NACAD: variants seen among roughly 807,000 people sequenced by gnomAD.
NACAD encodes the protein NAC-alpha domain-containing protein 1.
A neutral mutation model predicts 98.9 loss-of-function variants in NACAD; 47 were observed. That is an observed-to-expected ratio of 0.48 (90% CI 0.38 to 0.61). NACAD has a LOEUF of 0.61. Among genes scored for constraint, NACAD ranks in the 20% least tolerant of loss-of-function variants. The pLI, the probability that NACAD is intolerant of heterozygous loss-of-function variation, is 0.00. For missense variants in NACAD, 1,412 were observed against 1,748.2 expected, an observed-to-expected ratio of 0.81 and a Z score of 3.43; for synonymous variants, 696 against 767.2, an observed-to-expected ratio of 0.91 and a Z score of 1.53.
chr7:45,082,653 G>A lies in NACAD; in HGVS notation c.3527C>T (p.Ala1176Val), dbSNP rs1784449265. Residue 1176 changes from alanine to valine, a missense_variant, in exon 2 of 8, where the codon GCA becomes GTA. By Grantham distance (64) the Ala-to-Val change is moderately conservative (BLOSUM62 0). Transcript: ENST00000490531. This position sits in a 1 kb window ranked among gnomAD's most constrained non-coding sequence, Gnocchi z 4.5. ...AGGCTCCGGCTGCTGGGAGGTTGGT[G>A]CAGACGTGGGGGCAGGCGCGTCAGG... Reference protein sequence around the residue: ...GCPDAPAPTSAPTSQQPEPVL... With the variant: ...GCPDAPAPTSVPTSQQPEPVL... 6.6e-7 allele frequency: 1 copy of A among 1,510,312 alleles called. No homozygotes were observed. The highest frequency in any genetic ancestry group is 8.9e-7 in the Non-Finnish European group (1 of 1,125,484). 93.6% of individuals were successfully genotyped at this position (1,510,312 alleles called of 1,614,324 possible). A position where few individuals can be genotyped will look rare whatever the true frequency, so the allele number is the denominator to read the frequency against.
At chr7:45,086,296 A>G (rs1784522280) in intron 1 of NACAD, among the ~76,000 whole-genome samples, 184 bp from the exon 2 acceptor site, 1 of 152,236 alleles carries the variant, frequency 6.6e-6, no homozygotes, top group Admixed American at 6.5e-5. Context: ...TTTTGACAGC[A>G]GAGAGCAGAT....
chr7:45,084,358 G>A lies in NACAD; in HGVS notation c.1822C>T (p.Leu608=). The part of the protein sequence containing the change: ...QDSAMTPPLP[L]QDTDLSSAPK... ...GCTGATGAGAGATCTGTGTCTTGTA[G>A]GGGCAGAGGCGGTGTCATAGCGGAG... Residue 608 remains leucine (L), a synonymous_variant, in exon 2 of 8, where the codon CTA becomes TTA. Coordinates refer to ENST00000490531, the MANE Select transcript of NACAD (RefSeq NM_001146334.2). 1.4e-6 allele frequency: 2 copies of A among 1,425,720 alleles called. No homozygotes were observed. The highest frequency in any genetic ancestry group is 2.5e-5 in the South Asian group (2 of 80,306). 88.3% of individuals were successfully genotyped at this position (1,425,720 alleles called of 1,614,324 possible). A position where few individuals can be genotyped will look rare whatever the true frequency, so the allele number is the denominator to read the frequency against.
chr7:45,083,088 G>A lies in NACAD; in HGVS notation c.3092C>T (p.Pro1031Leu). ...STLGMEALSLPEPASGAGEEI... is the reference protein window; with the variant it reads ...STLGMEALSLLEPASGAGEEI... ...CTCCCCAGCACCAGAGGCCGGCTCA[G>A]GGAGACTGAGGGCCTCCATGCCCAA... Residue 1031 changes from proline to leucine, a missense_variant, in exon 2 of 8, where the codon CCT becomes CTT. By Grantham distance (98) the Pro-to-Leu change is moderately conservative. Around this residue, in one of 5 missense-constraint regions of NACAD, gnomAD observed 572 missense variants for 639.6 expected, o/e 0.89. Transcript: ENST00000490531. 1 of 1,550,810 alleles carries A rather than the reference G, an allele frequency of 6.4e-7. No homozygotes were observed.
chr7:45,081,327 G>A (rs2128640179), intron 4 of NACAD, 64 bp from the exon 5 acceptor site: 2 of 1,527,234 alleles, frequency 1.3e-6, no homozygotes, highest in Non-Finnish European at 1.8e-6. Context: ...GAGGAGAGCA[G>A]CACAGTGCCC....
chr7:45,081,464 T>C, intron 4 of NACAD, 137 bp downstream of exon 4: 1 of 1,257,754 alleles, frequency 8.0e-7, no homozygotes, highest in East Asian at 2.5e-5. Context: ...GGGGAAGGTG[T>C]GTGGGTTACT....
Position 45,081,745 on chromosome 7 carries a change from G to A in NACAD, c.4185+10C>T, listed in dbSNP as rs1269657418. 1.3e-6 allele frequency: 2 copies of A among 1,551,124 alleles called. No homozygotes were observed. The highest frequency in any genetic ancestry group is 4.9e-5 in the East Asian group (2 of 40,926). On this transcript the variant is annotated intron_variant, in intron 3 of 7. Coordinates refer to ENST00000490531, the MANE Select transcript of NACAD (RefSeq NM_001146334.2). ...TCCCAGAGGCCCACCCTCTTCCCTGGACTGGGCACCTGGGCTGGACACTGC... is the reference window on the plus strand; with the variant it reads ...TCCCAGAGGCCCACCCTCTTCCCTGAACTGGGCACCTGGGCTGGACACTGC...
chr7:45,081,717 C>A (rs1048301357), intron 3 of NACAD, 38 bp downstream of exon 3: 1 of 1,551,128 alleles, frequency 6.4e-7, no homozygotes, highest in Admixed American at 2.0e-5. Flanking sequence ...GGGTGTGGGG[C>A]CCTCCCAGAG....
At position 45,085,088 on chromosome 7, in the gene NACAD, T is replaced by C. The variant is rs752130175; in HGVS notation, c.1092A>G (p.Ser364=). 40 of 1,550,934 alleles carry C rather than the reference T, an allele frequency of 2.6e-5. No individual in the cohort carries two copies. Among genetic ancestry groups the C allele is most frequent in the Middle Eastern group, 1.7e-4 (1 of 5,990 alleles). Residue 364 remains serine, a synonymous_variant, in exon 2 of 8, where the codon TCA becomes TCG. Transcript: ENST00000490531. This position sits in a 1 kb window ranked among gnomAD's most constrained non-coding sequence, Gnocchi z 6.1. ...CCTCCGTGATGGACAGGTCAGACAGTGACTGCAGGAAGGAGGCAGACGTGC... is the reference window on the plus strand; with the variant it reads ...CCTCCGTGATGGACAGGTCAGACAGCGACTGCAGGAAGGAGGCAGACGTGC... ...EDSTSASFLQ[S]LSDLSITEGM... is the part of the protein sequence containing the mutation.
In NACAD at chr7:45,083,265, G is replaced by C. The variant is rs1428058493; in HGVS notation, c.2915C>G (p.Ala972Gly). 1 of 1,551,056 alleles carries C rather than the reference G, an allele frequency of 6.4e-7. No individual in the cohort carries two copies. The highest frequency in any genetic ancestry group is 1.2e-5 in the South Asian group (1 of 84,066). The change falls in exon 2 of 8, where the codon GCC (alanine) becomes GGC (glycine). Residue 972 changes from alanine (A) to glycine (G), a missense_variant. By Grantham distance (60) the Ala-to-Gly change is moderately conservative. This residue lies in a region of NACAD where 572 missense variants were observed against 639.6 expected (regional missense o/e 0.89). Coordinates refer to ENST00000490531, the MANE Select transcript of NACAD (RefSeq NM_001146334.2). ...CTCAGGTGCTGGCCTGGGGCCTAAG[G>C]CCTCACCTACTTCCTGCTGAGCCAT... ...ATMAQQEVGE[A>G]LGPRPAPEEK... is the part of the protein sequence containing the mutation.
rs76851069 is a variant in NACAD at position 45,085,929 on chromosome 7, G to A, written c.251C>T (p.Ala84Val). The change falls in exon 2 of 8, where the codon GCG becomes GTG. Residue 84 changes from alanine to valine, a missense_variant. By Grantham distance (64) the Ala-to-Val change is moderately conservative. This residue lies in a region of NACAD where 638 missense variants were observed against 722.7 expected (regional missense o/e 0.88). Coordinates refer to ENST00000490531, the MANE Select transcript of NACAD (RefSeq NM_001146334.2). This position sits in a 1 kb window ranked among gnomAD's most constrained non-coding sequence, Gnocchi z 6.1. ...AGPGGAPSAW[A>V]DPGEGGPSPM... Reference sequence around the variant, plus strand: ...GCTTGGGCCGCCCTCCCCTGGGTCCGCCCAGGCCGAGGGTGCCCCACCAGG... The same window carrying A: ...GCTTGGGCCGCCCTCCCCTGGGTCCACCCAGGCCGAGGGTGCCCCACCAGG... 1.6e-4 allele frequency: 251 copies of A among 1,542,706 alleles called. No homozygotes were observed. The East Asian group carries it at 5.2e-3, about 32-fold the overall frequency.
rs758807832 is a variant in NACAD, at chr7:45,085,019, G to A, written c.1161C>T (p.Ala387=). The A allele has an allele frequency of 4.1e-5, 63 of 1,550,958 alleles. No homozygotes were observed. The Admixed American group carries it at 6.3e-4, about 15-fold the overall frequency. The change falls in exon 2 of 8, where the codon GCC becomes GCT. Residue 387 remains alanine (A), a synonymous_variant. Transcript: ENST00000490531. This position sits in a 1 kb window ranked among gnomAD's most constrained non-coding sequence, Gnocchi z 6.1. ...AFAFRDDTSA[A]SSDSDSASYA... is the part of the protein sequence containing the mutation. ...AGGAGGCTGAGTCTGAATCAGAGGA[G>A]GCTGCAGAGGTGTCGTCCCGGAAGG...
intron 4 of NACAD, 132 bp downstream of exon 4, chr7:45,081,469 G>A: frequency 7.7e-7 from 1 of 1,290,476 alleles, no homozygotes; most frequent in East Asian, 2.5e-5. Flanking sequence ...AGGTGTGTGG[G>A]TTACTGGCAT....
chr7:45,087,463 C>T (rs1170076542), intron 1 of NACAD, among the ~76,000 whole-genome samples: 3 of 152,258 alleles, frequency 2.0e-5, no homozygotes, highest in African/African-American at 7.2e-5. Context: ...CGGCGGCACA[C>T]AGGGGCCAGC....
rs1784491866 is a variant in NACAD at position 45,084,958 on chromosome 7, C to T, written c.1222G>A (p.Glu408Lys). Residue 408 changes from glutamate (E) to lysine (K), a missense_variant, in exon 2 of 8, where the codon GAG (glutamate) becomes AAG (lysine). By Grantham distance (56) the Glu-to-Lys change is moderately conservative. This residue lies in a region of NACAD where 638 missense variants were observed against 722.7 expected (regional missense o/e 0.88). Coordinates refer to ENST00000490531, the MANE Select transcript of NACAD (RefSeq NM_001146334.2). ...EADDERLYSG[E>K]PHAQATLLQD... ...AGCAAAGTGGCCTGGGCATGGGGCTCCCCGCTGTACAGCCTCTCATCATCT... is the reference window on the plus strand; with the variant it reads ...AGCAAAGTGGCCTGGGCATGGGGCTTCCCGCTGTACAGCCTCTCATCATCT... 13 of 1,550,922 alleles carry T rather than the reference C, an allele frequency of 8.4e-6. No individual in the cohort carries two copies. The highest frequency in any genetic ancestry group is 1.1e-5 in the Non-Finnish European group (13 of 1,146,990).
chr7:45,080,678 G>C lies in NACAD; in HGVS notation c.4636C>G (p.Leu1546Val). ...NVSRAKAVRA[L>V]RDNHSDIVNA... Reference sequence around the variant, plus strand: ...ACGATGTCACTGTGGTTGTCTCTCAGAGCCCGCACGGCCTTGGCCCTGGAC... The same window carrying C: ...ACGATGTCACTGTGGTTGTCTCTCACAGCCCGCACGGCCTTGGCCCTGGAC... Residue 1546 changes from leucine (L) to valine (V), a missense_variant, in exon 7 of 8, where the codon CTG (leucine) becomes GTG (valine). Leu to Val is a conservative substitution (Grantham distance 32, BLOSUM62 1). Transcript: ENST00000490531. The C allele has an allele frequency of 5.8e-6, 9 of 1,551,298 alleles. No homozygotes were observed. Among genetic ancestry groups the C allele is most frequent in the Non-Finnish European group, 6.1e-6 (7 of 1,146,950 alleles).
At position 45,085,219 on chromosome 7, in the gene NACAD, C is replaced by T. The variant is rs1467555064; in HGVS notation, c.961G>A (p.Val321Met). The T allele has an allele frequency of 1.3e-6, 2 of 1,551,484 alleles. No homozygotes were observed. The highest frequency in any genetic ancestry group is 1.2e-5 in the South Asian group (1 of 84,062). The change falls in exon 2 of 8, where the codon GTG becomes ATG. Residue 321 changes from valine (V) to methionine (M), a missense_variant. Around this residue, in one of 5 missense-constraint regions of NACAD, gnomAD observed 638 missense variants for 722.7 expected, o/e 0.88. Transcript: ENST00000490531. The surrounding 1 kb of genome is among the most constrained non-coding windows in gnomAD (Gnocchi z 6.1). ...AGCGGTGTCACCTCCACTGCCTCCA[C>T]CTGAAAGATGAGGCTGCCCTGGAAG... ...LPFQGSLIFQ[V>M]EAVEVTPLSP...
Position 45,084,828 on chromosome 7 carries a change from G to A in NACAD, c.1352C>T (p.Thr451Ile), listed in dbSNP as rs1415578696. 7.1e-6 allele frequency: 11 copies of A among 1,550,794 alleles called. No individual in the cohort carries two copies. The highest frequency in any genetic ancestry group is 2.0e-5 in the Admixed American group (1 of 50,970). The change falls in exon 2 of 8, where the codon ACC becomes ATC. Residue 451 changes from threonine (T) to isoleucine (I), a missense_variant. This residue lies in a region of NACAD where 638 missense variants were observed against 722.7 expected (regional missense o/e 0.88). Coordinates refer to ENST00000490531, the MANE Select transcript of NACAD (RefSeq NM_001146334.2). ...GGACAGATAGGCCCCTCTGTCTGAG[G>A]TCTGAGGAGCAGCCTCCACGGCCCA... ...VSWAVEAAPQ[T>I]SDRGAYLSQR... is the part of the protein sequence containing the mutation.
In NACAD at chr7:45,084,377, A is replaced by T. The variant is rs1784477657; in HGVS notation, c.1803T>A (p.Ala601=). 7.0e-7 allele frequency: 1 copy of T among 1,426,236 alleles called. No individual in the cohort carries two copies. The allele number at this position is 1,426,236 out of a possible 1,614,324, so 88.3% of individuals were successfully genotyped here. The change falls in exon 2 of 8, where the codon GCT becomes GCA. Residue 601 remains alanine (A), a synonymous_variant. Coordinates refer to ENST00000490531, the MANE Select transcript of NACAD (RefSeq NM_001146334.2). ...KEDLTLPQDS[A]MTPPLPLQDT... The stretch of plus-strand genomic sequence containing the variant: ...CTTGTAGGGGCAGAGGCGGTGTCAT[A>T]GCGGAGTCCTGGGGTAAGGTGAGGT...
intron 2 of NACAD, 76 bp from the exon 3 acceptor site, chr7:45,081,943 GCTGCCAC>G: frequency 6.8e-7 from 1 of 1,470,556 alleles, no homozygotes; most frequent in Non-Finnish European, 9.2e-7. Context: ...CCCTGGCCCT[GCTGCCAC>G]ATCAGGGCCA....
Sources: allele counts gnomAD v4.1 joint callset (sites outside exome capture counted in the v4.1 genomes callset), GRCh38; gene constraint gnomAD v4.1.1; regional missense constraint gnomAD v4.1.1; non-coding constraint Gnocchi (gnomAD v3.1); transcripts MANE v1.5; gene names NCBI Gene and HGNC (gene_info 2026-07-23, HGNC 2026-07-21).